Variants in ARHGEF4 observed in about 807,000 individuals in gnomAD.
ARHGEF4 encodes Rho guanine nucleotide exchange factor 4, also known as APC-stimulated guanine nucleotide exchange factor 1.
ARHGEF4 carries 119 observed loss-of-function variants against 162.0 expected under a neutral mutation model. The observed-to-expected ratio is 0.73, with a 90% CI of 0.63 to 0.86. The LOEUF (loss-of-function observed/expected upper bound fraction) is 0.86. Among genes scored for constraint, ARHGEF4 ranks in the 40% least tolerant of loss-of-function variants. ARHGEF4 has a pLI of 0.00. For synonymous variants in ARHGEF4, 1,014 were observed against 979.9 expected, an observed-to-expected ratio of 1.03 and a Z score of -0.65; for missense variants, 2,488 against 2,456.0, an observed-to-expected ratio of 1.01 and a Z score of -0.28.
intron 2 of ARHGEF4, among the ~76,000 whole-genome samples, chr2:130,926,285 T>C (rs1007018745): frequency 6.6e-6 from 1 of 152,116 alleles, no homozygotes; most frequent in African/African-American, 2.4e-5. Context: ...TCTGAGCTGT[T>C]CTATTTTTCA....
chr2:130,838,778 C>T (rs773522808), intron 1 of ARHGEF4, among the ~76,000 whole-genome samples: 11 of 152,096 alleles, frequency 7.2e-5, no homozygotes, highest in Non-Finnish European at 1.0e-4. Context: ...GGAAGATGGC[C>T]GGACAGAATC....
chr2:130,919,598 A>G (rs1681741370), intron 2 of ARHGEF4, among the ~76,000 whole-genome samples: 1 of 152,246 alleles, frequency 6.6e-6, no homozygotes, highest in Non-Finnish European at 1.5e-5. Context: ...GATATAGGCC[A>G]TGCGTGGTGG....
intron 1 of ARHGEF4, among the ~76,000 whole-genome samples, chr2:130,854,777 T>C (rs1398416239): frequency 6.6e-6 from 1 of 152,186 alleles, no homozygotes; most frequent in Non-Finnish European, 1.5e-5. Flanking sequence ...CCCCCAGCTC[T>C]GTGTTCTGAT....
Position 131,041,293 on chromosome 2 carries a change from T to A in ARHGEF4, c.4726T>A (p.Ser1576Thr). The A allele has an allele frequency of 3.7e-6, 6 of 1,613,940 alleles. No individual in the cohort carries two copies. The highest frequency in any genetic ancestry group is 5.1e-6 in the Non-Finnish European group (6 of 1,180,020). Reference sequence around the variant, plus strand: ...CCACCCCAACGCCTGCGTGGAGCTCTCCCGGCTCACCAAGCTCAGCAAGTA... The same window carrying A: ...CCACCCCAACGCCTGCGTGGAGCTCACCCGGCTCACCAAGCTCAGCAAGTA... ...NNHPNACVEL[S>T]RLTKLSKYVY... The change falls in exon 9 of 14, where the codon TCC becomes ACC. Residue 1576 changes from serine to threonine, a missense_variant. Ser to Thr is a moderately conservative substitution (Grantham distance 58, BLOSUM62 1). Coordinates refer to ENST00000409359, the MANE Select transcript of ARHGEF4 (RefSeq NM_001367493.1).
At chr2:130,972,671 C>G (rs1685440433) in intron 4 of ARHGEF4, among the ~76,000 whole-genome samples, 1 of 152,110 alleles carries the variant, frequency 6.6e-6, no homozygotes, top group Non-Finnish European at 1.5e-5. Context: ...AACTTCAGAA[C>G]AAAACAAAAA....
chr2:130,913,353 T>C (rs892288913), intron 1 of ARHGEF4, among the ~76,000 whole-genome samples: 2 of 152,216 alleles, frequency 1.3e-5, no homozygotes, highest in African/African-American at 4.8e-5. Context: ...TGCTTGAAAA[T>C]GTATATCTCA....
chr2:130,847,103 A>G (rs1343798799), intron 1 of ARHGEF4, among the ~76,000 whole-genome samples: 1 of 152,202 alleles, frequency 6.6e-6, no homozygotes, highest in Non-Finnish European at 1.5e-5. Context: ...CACTGGGTCC[A>G]GTCAAGGCGA....
chr2:130,994,505 A>G (rs987814982), intron 4 of ARHGEF4, among the ~76,000 whole-genome samples: 1 of 152,148 alleles, frequency 6.6e-6, no homozygotes, highest in African/African-American at 2.4e-5. Flanking sequence ...CCTGACTTAT[A>G]GGCCATTGTT....
intron 4 of ARHGEF4, among the ~76,000 whole-genome samples, chr2:131,010,227 C>T (rs1688358098): frequency 6.6e-6 from 1 of 152,194 alleles, no homozygotes; most frequent in Non-Finnish European, 1.5e-5. Context: ...ACTGTTCAAT[C>T]AGTGACACTG....
chr2:130,992,240 A>G (rs552792158), intron 4 of ARHGEF4, among the ~76,000 whole-genome samples: 200 of 152,302 alleles, frequency 1.3e-3, no homozygotes, highest in Admixed American at 2.6e-3. Context: ...GTGGGGCCAG[A>G]TAAGAGAATA....
chr2:131,035,606 A>T, intron 5 of ARHGEF4: 7 of 969,494 alleles, frequency 7.2e-6, no homozygotes, highest in Non-Finnish European at 8.6e-6. Context: ...CCGCTGGGTG[A>T]GCGACCCGCG....
At chr2:130,932,732 G>GT (rs967903023) in intron 3 of ARHGEF4, among the ~76,000 whole-genome samples, 1 of 151,886 alleles carries the variant, frequency 6.6e-6, no homozygotes, top group African/African-American at 2.4e-5. Context: ...ATTTACCTCT[G>GT]TTTTTTTCTA....
chr2:131,041,257 T>G lies in ARHGEF4; in HGVS notation c.4690T>G (p.Tyr1564Asp). 1 of 1,613,692 alleles carries G rather than the reference T, an allele frequency of 6.2e-7. No homozygotes were observed. The highest frequency in any genetic ancestry group is 8.5e-7 in the Non-Finnish European group (1 of 1,179,992). Residue 1564 changes from tyrosine (Y) to aspartate (D), a missense_variant, in exon 9 of 14, where the codon TAC becomes GAC. Physicochemically the swap from Tyr to Asp is radical, Grantham distance 160 (BLOSUM62 -3). This residue lies in a region of ARHGEF4 where 415 missense variants were observed against 512.4 expected (regional missense o/e 0.81). Coordinates refer to ENST00000409359, the MANE Select transcript of ARHGEF4 (RefSeq NM_001367493.1). ...AGCCGACTTCCAGATCTACTCGGAGTACTGCAATAACCACCCCAACGCCTG... is the reference window on the plus strand; with the variant it reads ...AGCCGACTTCCAGATCTACTCGGAGGACTGCAATAACCACCCCAACGCCTG... ...HQADFQIYSE[Y>D]CNNHPNACVE...
chr2:131,011,954 G>C, intron 4 of ARHGEF4: 1 of 699,970 alleles, frequency 1.4e-6, no homozygotes, highest in Non-Finnish European at 2.6e-6. Flanking sequence ...GGATAATAAA[G>C]TAAAGGTAGG....
At chr2:130,870,284 G>C (rs1678376158) in intron 1 of ARHGEF4, among the ~76,000 whole-genome samples, 1 of 152,222 alleles carries the variant, frequency 6.6e-6, no homozygotes, top group African/African-American at 2.4e-5. Flanking sequence ...CCGGGAGCAG[G>C]GTAGGCCCTT....
At chr2:131,010,027 A>G (rs1181098906) in intron 4 of ARHGEF4, among the ~76,000 whole-genome samples, 1 of 152,204 alleles carries the variant, frequency 6.6e-6, no homozygotes, top group Non-Finnish European at 1.5e-5. Context: ...AAAACTTCAC[A>G]TTCTACGTTC....
intron 4 of ARHGEF4, among the ~76,000 whole-genome samples, chr2:131,000,620 GT>G (rs1687699919): frequency 6.6e-6 from 1 of 152,026 alleles, no homozygotes; most frequent in South Asian, 2.1e-4. Context: ...TTAAGTCTTT[GT>G]TCACTCAGAT....
intron 8 of ARHGEF4, 71 bp downstream of exon 8, chr2:131,040,511 C>G: frequency 6.8e-7 from 1 of 1,461,276 alleles, no homozygotes; most frequent in East Asian, 2.5e-5. Flanking sequence ...CCAGCGCGGA[C>G]AGCGGGTGGC....
chr2:130,979,848 A>C (rs974238789), intron 4 of ARHGEF4, among the ~76,000 whole-genome samples: 3 of 152,156 alleles, frequency 2.0e-5, no homozygotes, highest in African/African-American at 7.2e-5. Context: ...TTTCTATAAA[A>C]TAGTCATTCA....
Sources: allele counts gnomAD v4.1 joint callset (sites outside exome capture counted in the v4.1 genomes callset), GRCh38; gene constraint gnomAD v4.1.1; regional missense constraint gnomAD v4.1.1; transcripts MANE v1.5; gene names NCBI Gene and HGNC (gene_info 2026-07-23, HGNC 2026-07-21).